SLC44A5: variants seen among roughly 807,000 people sequenced by gnomAD.
SLC44A5 encodes the protein choline transporter-like protein 5.
In SLC44A5, 57 loss-of-function variants were observed where a neutral mutation model predicts 101.8. The observed-to-expected ratio is 0.56, with a 90% confidence interval of 0.45 to 0.70. The LOEUF is 0.70. Among genes scored for constraint, SLC44A5 ranks in the 30% least tolerant of loss-of-function variants. The probability of loss-of-function intolerance (pLI) is 0.00; values close to 1 mark genes in which losing one functional copy is unlikely to be tolerated. For synonymous variants in SLC44A5, 281 were observed against 290.9 expected (o/e 0.97, Z 0.35); for missense variants, 737 against 853.1 (o/e 0.86, Z 1.70).
At chr1:75,494,332 C>T (rs1161535816) in intron 2 of SLC44A5, among the ~76,000 whole-genome samples, 2 of 152,170 alleles carry the variant, frequency 1.3e-5, no homozygotes, top group Non-Finnish European at 2.9e-5. Flanking sequence ...CCGGCCTCCT[C>T]CAATGATAAA....
chr1:75,655,716 A>T, the SLC44A5 span, among the ~76,000 whole-genome samples: 1 of 152,220 alleles, frequency 6.6e-6, no homozygotes, highest in African/African-American at 2.4e-5. Context: ...GTACCAGCCC[A>T]GTCACAGTAA....
chr1:75,598,338 A>T (rs1461472649), intron 1 of SLC44A5, among the ~76,000 whole-genome samples: 1 of 152,226 alleles, frequency 6.6e-6, no homozygotes, highest in African/African-American at 2.4e-5. Flanking sequence ...AGTGTAAATT[A>T]GTTCAACCAT....
At chr1:75,236,274 G>A (rs959692539) in intron 11 of SLC44A5, among the ~76,000 whole-genome samples, 10 of 151,964 alleles carry the variant, frequency 6.6e-5, no homozygotes, top group African/African-American at 2.4e-4. Context: ...TTTAATTTTA[G>A]TCTTTGACCA....
At chr1:75,575,342 A>T (rs533125608) in intron 1 of SLC44A5, among the ~76,000 whole-genome samples, 201 of 152,312 alleles carry the variant, frequency 1.3e-3, no homozygotes, top group African/African-American at 4.4e-3. Flanking sequence ...TGTAGAAAGG[A>T]AAAAATTTAG....
intron 2 of SLC44A5, among the ~76,000 whole-genome samples, chr1:75,527,478 A>AT (rs1009891443): frequency 1.1e-4 from 17 of 152,322 alleles, no homozygotes; most frequent in African/African-American, 4.1e-4. Flanking sequence ...GAACAAAAAC[A>AT]TAAAAACATA....
chr1:75,543,366 T>C (rs1229716826), intron 1 of SLC44A5, among the ~76,000 whole-genome samples: 1 of 151,958 alleles, frequency 6.6e-6, no homozygotes, highest in African/African-American at 2.4e-5. Context: ...GTGGAAAGCT[T>C]GTGTGCCTCA....
intron 2 of SLC44A5, among the ~76,000 whole-genome samples, chr1:75,452,980 CA>C (rs1049322053): frequency 5.9e-5 from 9 of 152,038 alleles, no homozygotes; most frequent in African/African-American, 2.2e-4. Context: ...TTCAGACCAT[CA>C]AGGCAGAAAA....
chr1:75,395,490 G>A (rs1334571823), intron 3 of SLC44A5, among the ~76,000 whole-genome samples: 1 of 152,028 alleles, frequency 6.6e-6, no homozygotes, highest in Non-Finnish European at 1.5e-5. Context: ...ATATGATTAA[G>A]TAACAAAATC....
intron 6 of SLC44A5, among the ~76,000 whole-genome samples, chr1:75,260,813 TAACA>T (rs752887387): frequency 3.2e-4 from 48 of 152,110 alleles, no homozygotes; most frequent in South Asian, 6.2e-4. Flanking sequence ...ACAGAAATCA[TAACA>T]AACAGTCTCT....
rs190583918 is a variant in SLC44A5, at chr1:75,353,920, G to A, written c.53-14290C>T. 4.3e-5 allele frequency: 10 copies of A among 233,572 alleles called. No homozygotes were observed. In the East Asian group the frequency reaches 1.1e-3, roughly 25 times the overall value. The allele number at this position is 233,572 out of a possible 1,614,324, so 14.5% of individuals were successfully genotyped here. A position where few individuals can be genotyped will look rare whatever the true frequency, so the allele number is the denominator to read the frequency against. On this transcript the variant is annotated intron_variant, in intron 3 of 23. Transcript: ENST00000370859. ...ACCTCCAGCTTTCGGTTCAAAAACA[G>A]TAATATGGGGTAAGGTAGAACCTAT...
chr1:75,658,236 G>A, the SLC44A5 span, among the ~76,000 whole-genome samples: 1 of 150,980 alleles, frequency 6.6e-6, no homozygotes, highest in African/African-American at 2.5e-5. Flanking sequence ...ACTATACCTG[G>A]CTAATTTTTC....
At chr1:75,694,382 A>G in the SLC44A5 span, among the ~76,000 whole-genome samples, 1 of 152,004 alleles carries the variant, frequency 6.6e-6, no homozygotes, top group African/African-American at 2.4e-5. Flanking sequence ...GAGTTATACA[A>G]CTTGTGGAAG....
intron 5 of SLC44A5, among the ~76,000 whole-genome samples, chr1:75,288,119 A>T (rs1338882699): frequency 6.6e-6 from 1 of 152,146 alleles, no homozygotes; most frequent in Admixed American, 6.5e-5. Flanking sequence ...AAAAACTTTT[A>T]TATTTGAAGG....
At chr1:75,678,974 T>C in the SLC44A5 span, among the ~76,000 whole-genome samples, 4 of 152,042 alleles carry the variant, frequency 2.6e-5, no homozygotes, top group Non-Finnish European at 4.4e-5. Flanking sequence ...TGCAGAAGCC[T>C]CAGGAGCCGA....
chr1:75,624,955 G>T, the SLC44A5 span, among the ~76,000 whole-genome samples: 1 of 151,966 alleles, frequency 6.6e-6, no homozygotes, highest in Non-Finnish European at 1.5e-5. Context: ...TCACTGTTCG[G>T]CCACCATTTT....
chr1:75,679,911 G>A, the SLC44A5 span, among the ~76,000 whole-genome samples: 1 of 152,164 alleles, frequency 6.6e-6, no homozygotes, highest in East Asian at 1.9e-4. Flanking sequence ...TAAAAGGATG[G>A]AGGAAGATCT....
intron 5 of SLC44A5, among the ~76,000 whole-genome samples, chr1:75,288,789 C>T (rs1409406864): frequency 2.6e-5 from 4 of 152,164 alleles, no homozygotes; most frequent in Non-Finnish European, 4.4e-5. Flanking sequence ...AAGTGGATAA[C>T]CTTCAGGGCA....
chr1:75,604,588 T>C (rs200952845), intron 1 of SLC44A5, among the ~76,000 whole-genome samples: 2 of 152,144 alleles, frequency 1.3e-5, no homozygotes, highest in African/African-American at 4.8e-5. Context: ...AGAAATAGCA[T>C]TGAATCTGTA....
chr1:75,421,874 A>G (rs759317955), intron 2 of SLC44A5, among the ~76,000 whole-genome samples: 65 of 142,988 alleles, frequency 4.5e-4, no homozygotes, highest in Non-Finnish European at 9.1e-4. Flanking sequence ...TACTTTTTTG[A>G]AAAAAAAAAA....
Sources: allele counts gnomAD v4.1 joint callset (sites outside exome capture counted in the v4.1 genomes callset), GRCh38; gene constraint gnomAD v4.1.1; transcripts MANE v1.5; gene names NCBI Gene and HGNC (gene_info 2026-07-23, HGNC 2026-07-21).